POLR3A: variants seen among roughly 807,000 people sequenced by gnomAD.
POLR3A encodes the protein DNA-directed RNA polymerase III subunit RPC1.
Under a neutral mutation model 152.8 loss-of-function variants are expected in POLR3A, and 112 were observed. The ratio of observed to expected loss-of-function variants is 0.73; its 90% CI spans 0.63 to 0.86. POLR3A has a LOEUF of 0.86. Ranked by LOEUF, POLR3A falls within the 40% of genes least tolerant of loss-of-function variation. The pLI is 0.00. For synonymous variants in POLR3A, 615 were observed against 652.1 expected, an observed-to-expected ratio of 0.94 and a Z score of 0.87; for missense variants, 1,385 against 1,743.1, an observed-to-expected ratio of 0.79 and a Z score of 3.66.
chr10:77,991,177 T>G lies in POLR3A; in HGVS notation c.2788-10A>C, dbSNP rs1456568202. On this transcript the variant is annotated splice_polypyrimidine_tract_variant and intron_variant, in intron 20 of 30. Coordinates refer to ENST00000372371, the MANE Select transcript of POLR3A (RefSeq NM_007055.4). ...GACACGGGAAGACTGCCTTGAGTAT[T>G]AAAAGAAAATTGCATTATGTGTGGG... 1 of 1,528,112 alleles carries G rather than the reference T, an allele frequency of 6.5e-7. No homozygotes were observed. Among genetic ancestry groups the G allele is most frequent in the Non-Finnish European group, 9.1e-7 (1 of 1,101,508 alleles). The allele number at this position is 1,528,112 out of a possible 1,614,324, so 94.7% of individuals were successfully genotyped here.
Position 77,981,523 on chromosome 10 carries a change from T to G in POLR3A, c.3796A>C (p.Thr1266Pro). The change falls in exon 29 of 31, where the codon ACG becomes CCG. Residue 1266 changes from threonine (T) to proline (P), a missense_variant. Around this residue, in one of 7 missense-constraint regions of POLR3A, gnomAD observed 332 missense variants for 400.1 expected, o/e 0.83. Coordinates refer to ENST00000372371, the MANE Select transcript of POLR3A (RefSeq NM_007055.4). ...KTLGIEAARTTIINEIQYTMV... is the reference protein window; with the variant it reads ...KTLGIEAARTPIINEIQYTMV... Reference sequence around the variant, plus strand: ...GTGTACTGGATTTCATTGATGATCGTTGTCCGGGCGGCCTCGATGCCCAGA... The same window carrying G: ...GTGTACTGGATTTCATTGATGATCGGTGTCCGGGCGGCCTCGATGCCCAGA... 1 of 1,614,052 alleles carries G rather than the reference T, an allele frequency of 6.2e-7. No homozygotes were observed. Among genetic ancestry groups the G allele is most frequent in the Non-Finnish European group, 8.5e-7 (1 of 1,179,952 alleles).
chr10:78,012,618 G>C (rs1436704052), intron 11 of POLR3A, among the ~76,000 whole-genome samples: 1 of 152,060 alleles, frequency 6.6e-6, no homozygotes, highest in Admixed American at 6.5e-5. Flanking sequence ...TCAGTAGTTG[G>C]GGATCATGAA....
intron 11 of POLR3A, 127 bp downstream of exon 11, chr10:78,013,523 C>T (rs998957308): frequency 1.7e-5 from 15 of 906,240 alleles, no homozygotes; most frequent in South Asian, 4.0e-5. Context: ...AGTTAGTGGT[C>T]GGTTTAAGAA....
chr10:78,010,073 T>G (rs569704835), intron 12 of POLR3A, 82 bp from the exon 13 acceptor site: 2 of 1,554,604 alleles, frequency 1.3e-6, no homozygotes, highest in Non-Finnish European at 1.7e-6. Flanking sequence ...TAAAATAAAT[T>G]TGAACCATGA....
At chr10:77,998,730 G>A (rs2131941088) in intron 19 of POLR3A, among the ~76,000 whole-genome samples, 1 of 152,344 alleles carries the variant, frequency 6.6e-6, no homozygotes, top group Non-Finnish European at 1.5e-5. Context: ...AACCATTGTG[G>A]AAGTCAGTGT....
chr10:77,977,305 G>C lies in POLR3A; in HGVS notation c.*173C>G, dbSNP rs1847098316. 1.4e-6 allele frequency: 1 copy of C among 717,884 alleles called. No homozygotes were observed. The highest frequency in any genetic ancestry group is 1.7e-5 in the African/African-American group (1 of 57,558). 44.5% of individuals were successfully genotyped at this position (717,884 alleles called of 1,614,324 possible). ...GGCACAGTCAGGGTCACTGGTGTGA[G>C]CTGCACCCTATCAGAGGAGAAGCTG... On this transcript the variant is annotated 3_prime_UTR_variant, in exon 31 of 31. Coordinates refer to ENST00000372371, the MANE Select transcript of POLR3A (RefSeq NM_007055.4).
At chr10:78,025,818 A>G (rs1847628731) in intron 2 of POLR3A, 59 bp from the exon 3 acceptor site, 2 of 1,520,272 alleles carry the variant, frequency 1.3e-6, no homozygotes, top group African/African-American at 2.7e-5. Flanking sequence ...AAGAGTGCCC[A>G]GCCATCATGC....
At chr10:77,995,638 C>T (rs1847292571) in intron 19 of POLR3A, among the ~76,000 whole-genome samples, 2 of 152,046 alleles carry the variant, frequency 1.3e-5, no homozygotes, top group South Asian at 2.1e-4. Flanking sequence ...GCACCCAATA[C>T]AGGAGCACCC....
chr10:77,999,818 G>C (rs1283401438), intron 19 of POLR3A, among the ~76,000 whole-genome samples, 163 bp downstream of exon 19: 2 of 151,852 alleles, frequency 1.3e-5, no homozygotes, highest in Non-Finnish European at 2.9e-5. Flanking sequence ...CATTTTTTTT[G>C]GTTGTTCATT....
chr10:78,003,129 C>T (rs1036890394), intron 16 of POLR3A, among the ~76,000 whole-genome samples: 4 of 152,328 alleles, frequency 2.6e-5, no homozygotes, highest in African/African-American at 9.6e-5. Context: ...AGTTACTCCT[C>T]AACTTACAAA....
intron 14 of POLR3A, among the ~76,000 whole-genome samples, chr10:78,008,279 T>C (rs1847430443): frequency 6.6e-6 from 1 of 152,188 alleles, no homozygotes; most frequent in African/African-American, 2.4e-5. Flanking sequence ...GGTACCATCA[T>C]GTACAGCCTA....
chr10:78,014,187 G>A (rs1344728042), intron 10 of POLR3A, among the ~76,000 whole-genome samples: 3 of 151,628 alleles, frequency 2.0e-5, no homozygotes, highest in African/African-American at 4.8e-5. Flanking sequence ...AGACTCATTC[G>A]AGAAGCTTTA....
chr10:77,992,382 C>A (rs1847257486), intron 20 of POLR3A, among the ~76,000 whole-genome samples: 1 of 151,390 alleles, frequency 6.6e-6, no homozygotes, highest in South Asian at 2.1e-4. Context: ...GATTCACCTG[C>A]CCCAGCCTCC....
rs202017097 is a variant in POLR3A at position 78,024,943 on chromosome 10, T to A, written c.490+28A>T. On this transcript the variant is annotated intron_variant, in intron 4 of 30. Coordinates refer to ENST00000372371, the MANE Select transcript of POLR3A (RefSeq NM_007055.4). Reference sequence around the variant, plus strand: ...GAAGACAGTGAGTGAAAAGGGCTATTGCTTAGCCTTCTGTGCATTCCACTC... The same window carrying A: ...GAAGACAGTGAGTGAAAAGGGCTATAGCTTAGCCTTCTGTGCATTCCACTC... 1.6e-5 allele frequency: 26 copies of A among 1,609,842 alleles called. No homozygotes were observed. In the Admixed American group the frequency reaches 4.2e-4, roughly 26 times the overall value.
intron 5 of POLR3A, 77 bp downstream of exon 5, chr10:78,024,472 G>GGA: frequency 6.7e-7 from 1 of 1,492,906 alleles, no homozygotes; most frequent in Non-Finnish European, 9.2e-7. Flanking sequence ...CGGAGTTGGG[G>GGA]GAGAGAGTGT....
At position 78,010,585 on chromosome 10, in the gene POLR3A, T is replaced by A. The variant is rs371086740; in HGVS notation, c.1573-45A>T. On this transcript the variant is annotated intron_variant, in intron 11 of 30. Transcript: ENST00000372371. ...AGTCAGTTAGCTGTTCTCGGATGCA[T>A]GATGCAGCCCAAAGCCTGAATCACA... is the stretch of plus-strand genomic sequence containing the variant. 4 of 1,358,294 alleles carry A rather than the reference T, an allele frequency of 2.9e-6. No homozygotes were observed. In the Admixed American group the frequency reaches 5.0e-5, roughly 17 times the overall value. The allele number at this position is 1,358,294 out of a possible 1,614,324, so 84.1% of individuals were successfully genotyped here.
intron 21 of POLR3A, among the ~76,000 whole-genome samples, 166 bp from the exon 22 acceptor site, chr10:77,986,325 G>A (rs1847198200): frequency 1.3e-5 from 2 of 152,072 alleles, no homozygotes; most frequent in African/African-American, 4.8e-5. Flanking sequence ...CTACAAAGTG[G>A]TTTTCCAAGG....
At chr10:77,990,250 T>C (rs1589306040) in intron 21 of POLR3A, among the ~76,000 whole-genome samples, 1 of 149,392 alleles carries the variant, frequency 6.7e-6, no homozygotes, top group Non-Finnish European at 1.5e-5. Flanking sequence ...CTTAAGAGGG[T>C]ATCAAAGTAA....
chr10:78,010,717 TA>T (rs749545668), intron 11 of POLR3A, among the ~76,000 whole-genome samples, 177 bp from the exon 12 acceptor site: 4 of 152,178 alleles, frequency 2.6e-5, no homozygotes, highest in Non-Finnish European at 5.9e-5. Flanking sequence ...CCAGTTCCTT[TA>T]TCTGTCAAGG....
Sources: gnomAD v4.1 joint callset for allele counts (sites outside exome capture counted in the v4.1 genomes callset) on GRCh38, gnomAD v4.1.1 for gene constraint, gnomAD v4.1.1 regional missense constraint, MANE v1.5 for transcripts, NCBI Gene and HGNC (gene_info 2026-07-23, HGNC 2026-07-21) for gene names.